Variants in NOVA1 observed in about 807,000 individuals in gnomAD.
NOVA1 encodes NOVA alternative splicing regulator 1, also known as RNA-binding protein Nova-1.
In NOVA1, 7 loss-of-function variants were observed where a neutral mutation model predicts 38.0. The observed-to-expected ratio is 0.18, with a 90% confidence interval of 0.10 to 0.35. The LOEUF (loss-of-function observed/expected upper bound fraction) is 0.35, where lower values mean the gene tolerates loss of function less well. Among genes scored for constraint, NOVA1 ranks in the 10% least tolerant of loss-of-function variants. The pLI is 1.00. For synonymous variants in NOVA1, 270 were observed against 232.5 expected, an observed-to-expected ratio of 1.16 and a Z score of -1.47; for missense variants, 460 against 616.0, an observed-to-expected ratio of 0.75 and a Z score of 2.68.
intron 1 of NOVA1, chr14:26,596,774 G>A: frequency 8.3e-7 from 1 of 1,208,848 alleles, no homozygotes; most frequent in Non-Finnish European, 1.1e-6. Flanking sequence ...AGTGCGGTAA[G>A]GGCATGCACT....
chr14:26,501,879 A>C lies in NOVA1; in HGVS notation c.281-21736T>G, dbSNP rs1235124397. Among the ~76,000 whole-genome samples, 3 of 151,974 alleles carry C rather than the reference A, an allele frequency of 2.0e-5. No individual in the cohort carries two copies. The East Asian group carries it at 5.8e-4, about 29-fold the overall frequency. ...CAAAGTATTCTACTATTCTTTTCTCAAGTTTCTCATTTATGGAAATAAAGA... is the reference window on the plus strand; with the variant it reads ...CAAAGTATTCTACTATTCTTTTCTCCAGTTTCTCATTTATGGAAATAAAGA... On this transcript the variant is annotated intron_variant, in intron 2 of 4. Transcript: ENST00000539517.
chr14:26,515,415 T>C (rs1888390466), intron 2 of NOVA1, among the ~76,000 whole-genome samples: 1 of 152,022 alleles, frequency 6.6e-6, no homozygotes, highest in African/African-American at 2.4e-5. Flanking sequence ...TTGCACAATA[T>C]AAACTTTATT....
chr14:26,557,065 T>C (rs572138635), intron 2 of NOVA1, among the ~76,000 whole-genome samples: 57 of 152,124 alleles, frequency 3.7e-4, no homozygotes, highest in Non-Finnish European at 7.9e-4. Context: ...CATGCACATC[T>C]CTGTACACAT....
chr14:26,490,748 T>C (rs916134749), intron 2 of NOVA1, among the ~76,000 whole-genome samples: 1 of 152,008 alleles, frequency 6.6e-6, no homozygotes, highest in African/African-American at 2.4e-5. Flanking sequence ...GCGTGATCAT[T>C]GCTTACTGCA....
intron 4 of NOVA1, among the ~76,000 whole-genome samples, chr14:26,462,522 T>C (rs186348227): frequency 2.0e-4 from 31 of 152,150 alleles, no homozygotes; most frequent in Non-Finnish European, 3.1e-4. Context: ...GTCTATTAAT[T>C]AAGAATCTAC....
chr14:26,592,400 G>GA (rs911586761), intron 2 of NOVA1, among the ~76,000 whole-genome samples: 34 of 138,320 alleles, frequency 2.5e-4, no homozygotes, highest in East Asian at 1.3e-3. Context: ...AATCATGTAA[G>GA]AAAAAAAAAA....
chr14:26,495,074 C>T (rs1045294803), intron 2 of NOVA1, among the ~76,000 whole-genome samples: 2 of 151,874 alleles, frequency 1.3e-5, no homozygotes, highest in Non-Finnish European at 2.9e-5. Flanking sequence ...TTTTTTAGTT[C>T]CTGGGACATG....
chr14:26,524,059 G>T (rs573518118), intron 2 of NOVA1, among the ~76,000 whole-genome samples: 1 of 152,238 alleles, frequency 6.6e-6, no homozygotes, highest in South Asian at 2.1e-4. Context: ...CCCACTTGAA[G>T]ATTTTAAAAC....
intron 2 of NOVA1, among the ~76,000 whole-genome samples, chr14:26,484,575 A>C (rs536336926): frequency 1.3e-5 from 2 of 152,188 alleles, no homozygotes; most frequent in Admixed American, 1.3e-4. Context: ...CTTATCCCTC[A>C]AAATTCCTTG....
intron 2 of NOVA1, chr14:26,594,265 C>A (rs2138824436): frequency 6.6e-6 from 1 of 151,960 alleles, no homozygotes; most frequent in South Asian, 2.1e-4. Context: ...ATAGTTTCAA[C>A]CATTCTAAAA....
chr14:26,522,472 T>C (rs1026971065), intron 2 of NOVA1, among the ~76,000 whole-genome samples: 8 of 152,138 alleles, frequency 5.3e-5, no homozygotes, highest in African/African-American at 1.9e-4. Flanking sequence ...TGCAAGTAAA[T>C]GCTGTTGGCC....
intron 2 of NOVA1, among the ~76,000 whole-genome samples, chr14:26,542,125 A>G (rs867327913): frequency 2.0e-5 from 3 of 152,024 alleles, no homozygotes; most frequent in South Asian, 4.1e-4. Context: ...TAAAAACTTC[A>G]TATTTCCAAC....
rs1041221990 is a variant in NOVA1 at position 26,548,390 on chromosome 14, A to G, written c.280+47020T>C. Among the ~76,000 whole-genome samples, 7 of 152,114 alleles carry G rather than the reference A, an allele frequency of 4.6e-5. No homozygotes were observed. The South Asian group carries it at 1.5e-3, about 32-fold the overall frequency. On this transcript the variant is annotated intron_variant, in intron 2 of 4. Transcript: ENST00000539517. ...AATATATAAACATAGATATGTGCACATTATAATTTAACTTATGACACATAA... is the reference window on the plus strand; with the variant it reads ...AATATATAAACATAGATATGTGCACGTTATAATTTAACTTATGACACATAA...
At chr14:26,582,940 A>T (rs1237016787) in intron 2 of NOVA1, among the ~76,000 whole-genome samples, 5 of 151,840 alleles carry the variant, frequency 3.3e-5, no homozygotes, top group Admixed American at 3.3e-4. Flanking sequence ...CACATATGGC[A>T]TATCTAGCTC....
At chr14:26,484,845 A>G (rs1326859427) in intron 2 of NOVA1, among the ~76,000 whole-genome samples, 2 of 152,130 alleles carry the variant, frequency 1.3e-5, no homozygotes, top group Non-Finnish European at 2.9e-5. Flanking sequence ...CTCCTAGCTC[A>G]TGGTTTTTAC....
At chr14:26,574,806 A>G (rs1892731900) in intron 2 of NOVA1, among the ~76,000 whole-genome samples, 1 of 151,974 alleles carries the variant, frequency 6.6e-6, no homozygotes, top group Non-Finnish European at 1.5e-5. Context: ...ACAGGCTCAC[A>G]CCACTATGCC....
chr14:26,485,258 T>TA (rs1885792908), intron 2 of NOVA1, among the ~76,000 whole-genome samples: 2 of 152,200 alleles, frequency 1.3e-5, no homozygotes, highest in African/African-American at 4.8e-5. Context: ...TTTTGAAACA[T>TA]ATATGTGATT....
chr14:26,483,631 A>G (rs921190766), intron 2 of NOVA1, among the ~76,000 whole-genome samples: 1 of 152,216 alleles, frequency 6.6e-6, no homozygotes, highest in African/African-American at 2.4e-5. Flanking sequence ...GTAATAAAAA[A>G]CACACAGAAC....
rs1881948601 is a variant in NOVA1, at chr14:26,444,838, A to G, written c.*3121T>C. 6.7e-6 allele frequency: 1 copy of G among 149,866 alleles called. No homozygotes were observed. The highest frequency in any genetic ancestry group is 2.5e-5 in the African/African-American group (1 of 39,650). The allele number at this position is 149,866 out of a possible 1,614,324, so 9.3% of individuals were successfully genotyped here. On this transcript the variant is annotated 3_prime_UTR_variant, in exon 5 of 5. Transcript: ENST00000539517. The stretch of plus-strand genomic sequence containing the variant: ...GCTCCCAGTGATAAAGAAAAAAACA[A>G]AAAAACAAACAAACAAACAAACAAA...
Sources: allele counts gnomAD v4.1 joint callset (sites outside exome capture counted in the v4.1 genomes callset), GRCh38; gene constraint gnomAD v4.1.1; transcripts MANE v1.5; gene names NCBI Gene and HGNC (gene_info 2026-07-23, HGNC 2026-07-21).